The following VDAC1 variants were observed in gnomAD, a reference collection of about 807,000 sequenced individuals.
VDAC1 encodes the protein voltage dependent anion channel 1.
Under a neutral mutation model 34.7 loss-of-function variants are expected in VDAC1, and 10 were observed. The observed-to-expected ratio is 0.29, with a 90% CI of 0.18 to 0.49. The LOEUF is 0.49. Among genes scored for constraint, VDAC1 ranks in the 20% least tolerant of loss-of-function variants. The pLI, the probability that VDAC1 is intolerant of heterozygous loss-of-function variation, is 0.99. For missense variants in VDAC1, 230 were observed against 347.9 expected (o/e 0.66, Z 2.69); for synonymous variants, 130 against 136.0 (o/e 0.96, Z 0.30).
chr5:133,978,721 C>T (rs1044543049), intron 6 of VDAC1, among the ~76,000 whole-genome samples: 1 of 152,120 alleles, frequency 6.6e-6, no homozygotes, highest in African/African-American at 2.4e-5. Flanking sequence ...CTTTCAAAAC[C>T]ATAAACAGAA....
chr5:134,096,431 C>T, the VDAC1 span, among the ~76,000 whole-genome samples: 1 of 152,200 alleles, frequency 6.6e-6, no homozygotes, highest in South Asian at 2.1e-4. Flanking sequence ...TTTAGGGCAG[C>T]TTCTAGGAGC....
the VDAC1 span, among the ~76,000 whole-genome samples, chr5:134,105,508 G>A: frequency 4.1e-4 from 62 of 152,236 alleles, 1 homozygote; most frequent in Non-Finnish European, 1.3e-4. Flanking sequence ...ACACAGGAAG[G>A]TGTTCTCGCT....
chr5:134,091,911 A>C, the VDAC1 span, among the ~76,000 whole-genome samples: 8 of 152,340 alleles, frequency 5.3e-5, no homozygotes, highest in East Asian at 1.5e-3. Flanking sequence ...CTGAGCCTTC[A>C]TGCAGGCTGG....
chr5:134,108,100 C>G, the VDAC1 span, among the ~76,000 whole-genome samples: 3 of 152,220 alleles, frequency 2.0e-5, no homozygotes, highest in African/African-American at 2.4e-5. Context: ...GAGAAAGTAT[C>G]TCTGCAGACC....
chr5:133,979,092 A>C (rs1198342851), intron 6 of VDAC1, among the ~76,000 whole-genome samples: 1 of 152,192 alleles, frequency 6.6e-6, no homozygotes, highest in African/African-American at 2.4e-5. Flanking sequence ...TCTGTTATGC[A>C]TTTGGGCCCC....
At chr5:134,070,150 A>AT in the VDAC1 span, among the ~76,000 whole-genome samples, 6 of 151,354 alleles carry the variant, frequency 4.0e-5, no homozygotes, top group South Asian at 4.2e-4. Context: ...TTACTTTCTT[A>AT]TTTTTTTTGG....
chr5:134,111,653 T>C, the VDAC1 span, among the ~76,000 whole-genome samples: 1 of 152,066 alleles, frequency 6.6e-6, no homozygotes, highest in African/African-American at 2.4e-5. Context: ...CTAATCCTGT[T>C]GATGGCCCCC....
chr5:134,066,093 G>A, the VDAC1 span, among the ~76,000 whole-genome samples: 1 of 151,796 alleles, frequency 6.6e-6, no homozygotes, highest in African/African-American at 2.4e-5. Context: ...GCGCCTGGTC[G>A]ATAGTAAATA....
the VDAC1 span, among the ~76,000 whole-genome samples, chr5:134,054,458 C>CTTTTTTTTTTTTTTTTTTTTTTTTT: frequency 8.1e-6 from 1 of 123,546 alleles, no homozygotes. Context: ...TCCTTCCTTC[C>CTTTTTTTTTTTTTTTTTTTTTTTTT]TTTTTTTTTT....
At chr5:134,074,142 C>G in the VDAC1 span, among the ~76,000 whole-genome samples, 1 of 151,748 alleles carries the variant, frequency 6.6e-6, no homozygotes, top group Non-Finnish European at 1.5e-5. Context: ...GAAACCCCAT[C>G]GCTCCTAAAA....
At chr5:134,033,974 A>T in the VDAC1 span, among the ~76,000 whole-genome samples, 1 of 152,116 alleles carries the variant, frequency 6.6e-6, no homozygotes, top group African/African-American at 2.4e-5. Flanking sequence ...CCTGGGCAAC[A>T]GAGCGAGACT....
the VDAC1 span, among the ~76,000 whole-genome samples, chr5:134,109,794 A>T: frequency 6.8e-6 from 1 of 146,120 alleles, no homozygotes; most frequent in African/African-American, 2.5e-5. Context: ...AAAAAAAAAG[A>T]ACTTAGAGGC....
At chr5:134,110,540 G>A in the VDAC1 span, among the ~76,000 whole-genome samples, 16 of 152,198 alleles carry the variant, frequency 1.1e-4, no homozygotes, top group Admixed American at 9.2e-4. Flanking sequence ...AAAGCAAACC[G>A]TGTTTCTAGT....
chr5:134,080,870 TTTTTA>T, the VDAC1 span, among the ~76,000 whole-genome samples: 1 of 152,060 alleles, frequency 6.6e-6, no homozygotes, highest in African/African-American at 2.4e-5. Flanking sequence ...CTACATAAAT[TTTTTA>T]TTTTATTTAT....
chr5:134,085,080 T>TC, the VDAC1 span, among the ~76,000 whole-genome samples: 25 of 136,350 alleles, frequency 1.8e-4, no homozygotes, highest in Non-Finnish European at 3.4e-4. Flanking sequence ...TCTTTTCTTT[T>TC]TTTTTTGAGA....
At chr5:133,992,713 C>T (rs976223907) in intron 2 of VDAC1, among the ~76,000 whole-genome samples, 1 of 152,266 alleles carries the variant, frequency 6.6e-6, no homozygotes, top group Non-Finnish European at 1.5e-5. Context: ...CTGCTCCACA[C>T]TTGGAAAAGA....
At chr5:134,110,437 G>C in the VDAC1 span, among the ~76,000 whole-genome samples, 1 of 152,180 alleles carries the variant, frequency 6.6e-6, no homozygotes, top group African/African-American at 2.4e-5. Flanking sequence ...CAGCAATTGT[G>C]TGTGCTTGCC....
chr5:134,008,128 C>T (rs1052542392), upstream of VDAC1, among the ~76,000 whole-genome samples: 3 of 152,022 alleles, frequency 2.0e-5, no homozygotes, highest in African/African-American at 4.8e-5. Context: ...CCCGCCTCTC[C>T]GCCCCCACAT....
the VDAC1 span, among the ~76,000 whole-genome samples, chr5:134,074,890 C>A: frequency 2.6e-5 from 4 of 152,120 alleles, no homozygotes; most frequent in Non-Finnish European, 5.9e-5. Flanking sequence ...GCCAGGAAAA[C>A]CTAGACAGAG....
Sources: gnomAD v4.1 joint callset for allele counts (sites outside exome capture counted in the v4.1 genomes callset) on GRCh38, gnomAD v4.1.1 for gene constraint, MANE v1.5 for transcripts, NCBI Gene and HGNC (gene_info 2026-07-23, HGNC 2026-07-21) for gene names.